TFEC: variants seen among roughly 807,000 people sequenced by gnomAD.
TFEC encodes the protein transcription factor EC.
In TFEC, 31 loss-of-function variants were observed where a neutral mutation model predicts 41.6. The observed-to-expected ratio is 0.74, with a 90% CI of 0.56 to 1.01. TFEC has a LOEUF of 1.01. Ranked by LOEUF, TFEC falls within the 50% of genes least tolerant of loss-of-function variation. TFEC has a pLI of 0.00. For missense variants in TFEC, 402 were observed against 404.1 expected, an observed-to-expected ratio of 0.99 and a Z score of 0.04; for synonymous variants, 143 against 140.6, an observed-to-expected ratio of 1.02 and a Z score of -0.12.
intron 3 of TFEC, among the ~76,000 whole-genome samples, chr7:116,042,317 A>C (rs1051889588): frequency 3.3e-5 from 5 of 152,180 alleles, no homozygotes; most frequent in South Asian, 4.1e-4. Context: ...ATGAAGAGAA[A>C]ACAACTAAAT....
chr7:116,097,912 G>C (rs1324524233), intron 3 of TFEC, among the ~76,000 whole-genome samples: 1 of 152,086 alleles, frequency 6.6e-6, no homozygotes, highest in Non-Finnish European at 1.5e-5. Flanking sequence ...CTACAGTAAG[G>C]ACAGAAAAGG....
intron 2 of TFEC, among the ~76,000 whole-genome samples, chr7:115,979,114 A>G (rs1793512617): frequency 6.6e-6 from 1 of 152,114 alleles, no homozygotes; most frequent in African/African-American, 2.4e-5. Flanking sequence ...CCCACAATAG[A>G]AATAGACTCC....
chr7:115,953,565 C>T (rs189974825), intron 5 of TFEC, among the ~76,000 whole-genome samples: 4 of 152,138 alleles, frequency 2.6e-5, no homozygotes, highest in East Asian at 1.9e-4. Flanking sequence ...GGTCAGTAAT[C>T]GTTAAGTGGC....
In TFEC at chr7:115,938,377, A is replaced by C. The variant is rs543912080; in HGVS notation, c.*2174T>G. On this transcript the variant is annotated 3_prime_UTR_variant, in exon 8 of 8. Transcript: ENST00000265440. ...AATCAAATTATCAACTCAGATAATG[A>C]AGTGGAATTTTGTTATAAAATTAAA... is the stretch of plus-strand genomic sequence containing the variant. The C allele has an allele frequency of 6.6e-6, 1 of 152,058 alleles. No individual in the cohort carries two copies. The highest frequency in any genetic ancestry group is 2.1e-4 in the South Asian group (1 of 4,824). 9.4% of individuals were successfully genotyped at this position (152,058 alleles called of 1,614,324 possible).
intron 1 of TFEC, among the ~76,000 whole-genome samples, chr7:116,005,738 A>T (rs1794763754): frequency 6.6e-6 from 1 of 152,202 alleles, no homozygotes. Flanking sequence ...GTTAATCACC[A>T]AGACGATGGG....
intron 1 of TFEC, among the ~76,000 whole-genome samples, chr7:116,003,034 T>C (rs1020279159): frequency 1.3e-5 from 2 of 151,788 alleles, no homozygotes; most frequent in Non-Finnish European, 2.9e-5. Flanking sequence ...AAATAGAAAA[T>C]AGTAACACAT....
chr7:116,110,830 T>G (rs1387480812), exon 3 of TFEC: 3 of 1,548,350 alleles, frequency 1.9e-6, no homozygotes, highest in Admixed American at 3.9e-5. Flanking sequence ...ATTTCCTGGC[T>G]GATTTGAAGT....
chr7:116,048,879 C>T (rs981575463), intron 3 of TFEC, among the ~76,000 whole-genome samples: 1 of 152,176 alleles, frequency 6.6e-6, no homozygotes, highest in Non-Finnish European at 1.5e-5. Context: ...TCCAGCCAAA[C>T]TAAGCTTCAG....
intron 3 of TFEC, among the ~76,000 whole-genome samples, chr7:116,088,821 C>A (rs1043478660): frequency 6.6e-6 from 1 of 151,878 alleles, no homozygotes; most frequent in Admixed American, 6.6e-5. Flanking sequence ...GCAGAGCACA[C>A]ACATACACAT....
intron 1 of TFEC, among the ~76,000 whole-genome samples, chr7:116,013,218 A>T (rs546229279): frequency 6.6e-6 from 1 of 152,192 alleles, no homozygotes; most frequent in African/African-American, 2.4e-5. Flanking sequence ...AAATGCAATT[A>T]TTCTTGAATT....
intron 3 of TFEC, among the ~76,000 whole-genome samples, chr7:116,085,566 A>G (rs1364511544): frequency 6.6e-6 from 1 of 151,948 alleles, no homozygotes; most frequent in Non-Finnish European, 1.5e-5. Context: ...TCAAAAGAAC[A>G]TGCCAATAAA....
intron 3 of TFEC, among the ~76,000 whole-genome samples, chr7:115,968,003 GCA>G (rs997260611): frequency 1.3e-5 from 2 of 151,614 alleles, no homozygotes; most frequent in African/African-American, 4.8e-5. Context: ...ATAGTCCAGA[GCA>G]CTAAAAATAA....
chr7:116,031,400 AG>A (rs1795778653), upstream of TFEC, among the ~76,000 whole-genome samples: 1 of 152,102 alleles, frequency 6.6e-6, no homozygotes, highest in Non-Finnish European at 1.5e-5. Context: ...TGTATTTTTA[AG>A]GGACATGAAT....
intron 3 of TFEC, among the ~76,000 whole-genome samples, chr7:116,037,923 A>G (rs1036080892): frequency 6.6e-6 from 1 of 152,068 alleles, no homozygotes; most frequent in Non-Finnish European, 1.5e-5. Context: ...TCACTATACA[A>G]TTGCAAAAGC....
chr7:115,958,400 A>C (rs1287269890), intron 3 of TFEC, among the ~76,000 whole-genome samples: 1 of 151,900 alleles, frequency 6.6e-6, no homozygotes, highest in Non-Finnish European at 1.5e-5. Context: ...CACCAGCTTG[A>C]ATTGCACATT....
intron 3 of TFEC, among the ~76,000 whole-genome samples, chr7:115,962,743 C>T (rs1285483894): frequency 4.0e-5 from 6 of 151,702 alleles, no homozygotes; most frequent in Admixed American, 4.0e-4. Context: ...ACAACCCTCA[C>T]AGGGGGAGAA....
intron 1 of TFEC, among the ~76,000 whole-genome samples, chr7:116,000,439 C>A (rs1213768936): frequency 1.3e-5 from 2 of 152,018 alleles, no homozygotes; most frequent in Non-Finnish European, 2.9e-5. Flanking sequence ...GAAGTCCTAG[C>A]TAGAGCAATC....
At chr7:116,024,027 C>G (rs1488390469) in intron 1 of TFEC, among the ~76,000 whole-genome samples, 1 of 152,100 alleles carries the variant, frequency 6.6e-6, no homozygotes, top group Non-Finnish European at 1.5e-5. Flanking sequence ...TCTGACCAAA[C>G]TGAAGCAAAT....
chr7:115,946,503 A>G (rs1180946491), intron 6 of TFEC, among the ~76,000 whole-genome samples: 1 of 149,512 alleles, frequency 6.7e-6, no homozygotes, highest in African/African-American at 2.5e-5. Context: ...TAAGCCTTGA[A>G]ATCCTGGGTT....
Sources: allele counts gnomAD v4.1 joint callset (sites outside exome capture counted in the v4.1 genomes callset), GRCh38; gene constraint gnomAD v4.1.1; transcripts MANE v1.5; gene names NCBI Gene and HGNC (gene_info 2026-07-23, HGNC 2026-07-21).